RABGAP1L: variants seen among roughly 807,000 people sequenced by gnomAD.
RABGAP1L encodes rab GTPase-activating protein 1-like.
A neutral mutation model predicts 137.7 loss-of-function variants in RABGAP1L; 63 were observed. That is an observed-to-expected ratio of 0.46 (90% CI 0.37 to 0.56). The LOEUF (loss-of-function observed/expected upper bound fraction) is 0.56, where lower values mean the gene tolerates loss of function less well. Ranked by LOEUF, RABGAP1L falls within the 20% of genes least tolerant of loss-of-function variation. RABGAP1L has a pLI of 0.00. For missense variants in RABGAP1L, 1,095 were observed against 1,244.0 expected, an observed-to-expected ratio of 0.88 and a Z score of 1.80; for synonymous variants, 431 against 433.7, an observed-to-expected ratio of 0.99 and a Z score of 0.08.
chr1:174,519,930 A>G (rs1047242377), intron 13 of RABGAP1L, among the ~76,000 whole-genome samples: 1 of 152,214 alleles, frequency 6.6e-6, no homozygotes, highest in African/African-American at 2.4e-5. Context: ...AACAGCAGTT[A>G]ATTATAGTAG....
At chr1:174,684,034 G>C (rs1340412298) in intron 15 of RABGAP1L, among the ~76,000 whole-genome samples, 1 of 152,208 alleles carries the variant, frequency 6.6e-6, no homozygotes, top group Non-Finnish European at 1.5e-5. Flanking sequence ...GGGCTAGGAA[G>C]TGGGGTTATA....
chr1:174,623,024 C>T (rs1174206332), intron 13 of RABGAP1L, among the ~76,000 whole-genome samples: 1 of 152,130 alleles, frequency 6.6e-6, no homozygotes, highest in Non-Finnish European at 1.5e-5. Context: ...ACTTAATATT[C>T]TTCCTTGCAC....
At chr1:174,748,973 T>A (rs1247559883) in intron 17 of RABGAP1L, among the ~76,000 whole-genome samples, 1 of 151,792 alleles carries the variant, frequency 6.6e-6, no homozygotes, top group Non-Finnish European at 1.5e-5. Context: ...GGTCAAAAGT[T>A]TGAGACTAGC....
chr1:174,832,380 G>A (rs1314258434), intron 19 of RABGAP1L, among the ~76,000 whole-genome samples: 7 of 147,968 alleles, frequency 4.7e-5, no homozygotes, highest in Non-Finnish European at 1.1e-4. Context: ...GCATTTGTCA[G>A]GAAAACTACT....
Position 174,874,686 on chromosome 1 carries a change from G to A in RABGAP1L, c.2340+62726G>A, listed in dbSNP as rs192365515. Among the ~76,000 whole-genome samples the A allele has an allele frequency of 7.1e-4, 106 of 150,222 alleles. 2 individuals carry two copies. In the East Asian group the frequency reaches 0.016, roughly 22 times the overall value. On this transcript the variant is annotated intron_variant, in intron 19 of 25. Transcript: ENST00000681986. ...CAGGGAATCAATGGGTTGGGGGGAT[G>A]GTAAAACAGGAGTTCGTAGACAGGA...
chr1:174,980,239 T>C (rs1670977179), intron 23 of RABGAP1L, among the ~76,000 whole-genome samples: 1 of 152,204 alleles, frequency 6.6e-6, no homozygotes, highest in South Asian at 2.1e-4. Flanking sequence ...CCATAAGGAA[T>C]CCGCATATTC....
At chr1:174,482,640 C>G (rs542275223) in intron 13 of RABGAP1L, among the ~76,000 whole-genome samples, 1 of 152,064 alleles carries the variant, frequency 6.6e-6, no homozygotes, top group Non-Finnish European at 1.5e-5. Context: ...AAGTGTGCCA[C>G]GTAATTTTTG....
chr1:174,254,887 G>C (rs1404926342), intron 7 of RABGAP1L, among the ~76,000 whole-genome samples: 1 of 152,118 alleles, frequency 6.6e-6, no homozygotes, highest in East Asian at 1.9e-4. Context: ...GGTATTTCTG[G>C]TTCCAGATCT....
At chr1:174,884,657 G>A (rs1034571727) in intron 19 of RABGAP1L, among the ~76,000 whole-genome samples, 5 of 152,114 alleles carry the variant, frequency 3.3e-5, no homozygotes, top group African/African-American at 9.7e-5. Context: ...AATAAGAAAG[G>A]GATTTTATCA....
chr1:174,370,258 G>T (rs1684995141), intron 11 of RABGAP1L, among the ~76,000 whole-genome samples: 1 of 152,014 alleles, frequency 6.6e-6, no homozygotes, highest in Admixed American at 6.5e-5. Context: ...TAGGTACATT[G>T]TGTCTATTGT....
chr1:174,180,965 C>T (rs1666301353), intron 1 of RABGAP1L, among the ~76,000 whole-genome samples: 1 of 152,110 alleles, frequency 6.6e-6, no homozygotes, highest in Non-Finnish European at 1.5e-5. Flanking sequence ...GTGAAGTGGG[C>T]ACTTCTCTTA....
intron 13 of RABGAP1L, among the ~76,000 whole-genome samples, chr1:174,532,837 C>G (rs1178628931): frequency 1.3e-5 from 2 of 152,028 alleles, no homozygotes; most frequent in Non-Finnish European, 2.9e-5. Flanking sequence ...AACAAGTTGC[C>G]ACTAATACCA....
At chr1:174,295,924 G>A (rs1677087033) in intron 10 of RABGAP1L, among the ~76,000 whole-genome samples, 1 of 152,182 alleles carries the variant, frequency 6.6e-6, no homozygotes, top group Non-Finnish European at 1.5e-5. Context: ...TTAAAAAGTG[G>A]TCAGTGTTGA....
chr1:174,337,935 T>G (rs1302557138), intron 11 of RABGAP1L, among the ~76,000 whole-genome samples: 1 of 152,184 alleles, frequency 6.6e-6, no homozygotes, highest in East Asian at 1.9e-4. Flanking sequence ...ATAAACAGTT[T>G]AAATCATTAC....
intron 13 of RABGAP1L, among the ~76,000 whole-genome samples, chr1:174,470,959 T>C (rs1168323714): frequency 1.3e-5 from 2 of 152,146 alleles, no homozygotes; most frequent in Non-Finnish European, 2.9e-5. Flanking sequence ...TTAAGAGTAC[T>C]GACATTACAT....
At chr1:174,548,003 T>G in intron 13 of RABGAP1L, 2 of 1,550,570 alleles carry the variant, frequency 1.3e-6, no homozygotes, top group Non-Finnish European at 1.7e-6. Flanking sequence ...GAGCCTGAAT[T>G]GTACAAATAT....
chr1:174,688,805 A>C (rs752427357), intron 15 of RABGAP1L, among the ~76,000 whole-genome samples: 3 of 152,154 alleles, frequency 2.0e-5, no homozygotes, highest in Non-Finnish European at 4.4e-5. Flanking sequence ...TCATATAAAC[A>C]TAAGATTTAG....
In RABGAP1L at chr1:174,278,349, T is replaced by G. The variant is rs144164839; in HGVS notation, c.1157-264T>G. On this transcript the variant is annotated intron_variant, in intron 9 of 25. Transcript: ENST00000681986. ...TGAGCCCTGGAGGCGGAGGTTGCAG[T>G]GAGCCAAGATCGCTCCATTGTACTC... Among the ~76,000 whole-genome samples, 104 of 152,302 alleles carry G rather than the reference T, an allele frequency of 6.8e-4. 1 individual carries two copies. Among genetic ancestry groups the G allele is most frequent in the African/African-American group, 2.3e-3 (95 of 41,580 alleles).
intron 18 of RABGAP1L, among the ~76,000 whole-genome samples, chr1:174,760,313 T>C (rs1412685871): frequency 6.6e-6 from 1 of 152,120 alleles, no homozygotes; most frequent in African/African-American, 2.4e-5. Context: ...CAATAGGTGG[T>C]TTTTGGATCC....
Sources: allele counts gnomAD v4.1 joint callset (sites outside exome capture counted in the v4.1 genomes callset), GRCh38; gene constraint gnomAD v4.1.1; transcripts MANE v1.5; gene names NCBI Gene and HGNC (gene_info 2026-07-23, HGNC 2026-07-21).